ZKSCAN3: variants seen among roughly 807,000 people sequenced by gnomAD.
ZKSCAN3 encodes the protein zinc finger with KRAB and SCAN domains 3.
In ZKSCAN3, 21 loss-of-function variants were observed where a neutral mutation model predicts 30.7. The ratio of observed to expected loss-of-function variants is 0.68; its 90% confidence interval spans 0.49 to 0.99. The LOEUF is 0.99. ZKSCAN3 is among the 50% of genes least tolerant of loss of function. The pLI is 0.00. For missense variants in ZKSCAN3, 507 were observed against 647.1 expected (o/e 0.78, Z 2.35); for synonymous variants, 201 against 246.7 (o/e 0.81, Z 1.73).
chr6:28,352,900 G>A (rs56131013), intron 1 of ZKSCAN3, among the ~76,000 whole-genome samples: 39,366 of 151,698 alleles, frequency 0.26, 5,822 homozygotes, highest in African/African-American at 0.4. Context: ...AGGAAGACAC[G>A]GACTTGGAAT....
At chr6:28,357,262 G>A (rs1246870080) in intron 1 of ZKSCAN3, among the ~76,000 whole-genome samples, 1 of 152,174 alleles carries the variant, frequency 6.6e-6, no homozygotes, top group Non-Finnish European at 1.5e-5. Flanking sequence ...CACACACCAG[G>A]CACTGTTCTA....
At chr6:28,364,008 C>G (rs1184270996) in intron 5 of ZKSCAN3, among the ~76,000 whole-genome samples, 193 bp downstream of exon 5, 1 of 152,090 alleles carries the variant, frequency 6.6e-6, no homozygotes, top group Non-Finnish European at 1.5e-5. Context: ...CTTGCTCAGT[C>G]ACTCAGGATA....
chr6:28,350,626 A>C (rs2113878679), intron 1 of ZKSCAN3, among the ~76,000 whole-genome samples: 1 of 152,342 alleles, frequency 6.6e-6, no homozygotes, highest in East Asian at 1.9e-4. Flanking sequence ...CAGAGTAAGC[A>C]TGATTTAAAG....
rs73742545 is a variant in ZKSCAN3 at position 28,351,246 on chromosome 6, T to G, written c.-63+1179T>G. ...GGCTCAGATCCAAGTAGGGGCCAGGTAGTGAAACCTAAATGGAGTTTGTGG... is the reference window on the plus strand; with the variant it reads ...GGCTCAGATCCAAGTAGGGGCCAGGGAGTGAAACCTAAATGGAGTTTGTGG... On this transcript the variant is annotated intron_variant, in intron 1 of 5. Coordinates refer to ENST00000252211, the MANE Select transcript of ZKSCAN3 (RefSeq NM_024493.4). This position sits in a 1 kb window ranked among gnomAD's most constrained non-coding sequence, Gnocchi z 4.6. Among the ~76,000 whole-genome samples the G allele has an allele frequency of 0.098, 14,858 of 152,204 alleles. 1,070 individuals carry two copies. Among genetic ancestry groups the G allele is most frequent in the East Asian group, 0.31 (1,604 of 5,170 alleles).
At chr6:28,352,388 G>T (rs190399575) in intron 1 of ZKSCAN3, among the ~76,000 whole-genome samples, 3 of 152,116 alleles carry the variant, frequency 2.0e-5, no homozygotes, top group Non-Finnish European at 2.9e-5. Context: ...AAGTAGCTGG[G>T]ATTACAGGTG....
At chr6:28,363,635 T>TC in intron 4 of ZKSCAN3, 57 bp from the exon 5 acceptor site, 1 of 1,608,260 alleles carries the variant, frequency 6.2e-7, no homozygotes, top group Non-Finnish European at 8.5e-7. Flanking sequence ...TCCCAGATCT[T>TC]CCCCACTCCA....
Position 28,367,885 on chromosome 6 carries a change from A to AT in ZKSCAN3, c.*1612dup, listed in dbSNP as rs11457679. The AT allele has an allele frequency of 0.8, 117,963 of 147,164 alleles. 47,527 individuals carry two copies. Among genetic ancestry groups the AT allele is most frequent in the Non-Finnish European group, 0.86 (57,457 of 66,662 alleles). The allele number at this position is 147,164 out of a possible 1,614,324, so 9.1% of individuals were successfully genotyped here. ...TAGGCGTCCGCCTCCACGCCGGGCT[A>AT]TTTTTTTTTTTTATTTTATACTTTA... On this transcript the variant is annotated 3_prime_UTR_variant, in exon 6 of 6. Coordinates refer to ENST00000252211, the MANE Select transcript of ZKSCAN3 (RefSeq NM_024493.4).
chr6:28,361,128 A>G (rs1765749630), intron 2 of ZKSCAN3, among the ~76,000 whole-genome samples, 196 bp from the exon 3 acceptor site: 1 of 152,172 alleles, frequency 6.6e-6, no homozygotes, highest in South Asian at 2.1e-4. Context: ...GCCACTGATT[A>G]GCTATTTAAA....
At chr6:28,360,078 G>T in intron 2 of ZKSCAN3, 90 bp downstream of exon 2, 2 of 1,603,772 alleles carry the variant, frequency 1.2e-6, no homozygotes, top group East Asian at 2.3e-5. Context: ...TTAACATCCA[G>T]GAGTTCTTCA....
chr6:28,356,408 G>C (rs1440439386), intron 1 of ZKSCAN3: 1 of 152,270 alleles, frequency 6.6e-6, no homozygotes, highest in Non-Finnish European at 1.5e-5. Flanking sequence ...GCAGGAAATG[G>C]ATCAGCTCCT....
rs1766048236 is a variant in ZKSCAN3, at chr6:28,368,262, G to C, written c.*1977G>C. Reference sequence around the variant, plus strand: ...GCCTCCCAAAATGCTGGGATTACAGGCGTGAGCCACCGCGCCCGGCCCAAG... The same window carrying C: ...GCCTCCCAAAATGCTGGGATTACAGCCGTGAGCCACCGCGCCCGGCCCAAG... On this transcript the variant is annotated 3_prime_UTR_variant, in exon 6 of 6. Coordinates refer to ENST00000252211, the MANE Select transcript of ZKSCAN3 (RefSeq NM_024493.4). The C allele has an allele frequency of 6.6e-6, 1 of 152,196 alleles. No individual in the cohort carries two copies. Among genetic ancestry groups the C allele is most frequent in the Non-Finnish European group, 1.5e-5 (1 of 68,060 alleles). 9.4% of individuals were successfully genotyped at this position (152,196 alleles called of 1,614,324 possible). A position where few individuals can be genotyped will look rare whatever the true frequency, so the allele number is the denominator to read the frequency against.
intron 1 of ZKSCAN3, among the ~76,000 whole-genome samples, chr6:28,355,007 T>C (rs1765330481): frequency 6.6e-6 from 1 of 152,202 alleles, no homozygotes; most frequent in Admixed American, 6.5e-5. Flanking sequence ...CCATAGGGTG[T>C]TGGTACTAGG....
intron 4 of ZKSCAN3, 119 bp downstream of exon 4, chr6:28,363,504 T>G: frequency 2.3e-6 from 3 of 1,277,834 alleles, no homozygotes; most frequent in Middle Eastern, 1.9e-4. Context: ...AGATCTCAAA[T>G]GGGATCTGCA....
rs572767653 is a variant in ZKSCAN3 at position 28,357,832 on chromosome 6, G to A, written c.-62-1693G>A. ...TTGATGTTTCTGAGAGAAACTGAAG[G>A]GCCTTCAGCCCAAAGATCCGAAGAG... On this transcript the variant is annotated intron_variant, in intron 1 of 5. Coordinates refer to ENST00000252211, the MANE Select transcript of ZKSCAN3 (RefSeq NM_024493.4). 2.6e-5 allele frequency among the ~76,000 whole-genome samples: 4 copies of A among 152,254 alleles called. No homozygotes were observed. The South Asian group carries it at 8.3e-4, about 32-fold the overall frequency.
rs776740789 is a variant in ZKSCAN3, at chr6:28,361,371, A to G, written c.450A>G (p.Ala150=). The change falls in exon 3 of 6, where the codon GCA becomes GCG. Residue 150 remains alanine (A), a synonymous_variant. Coordinates refer to ENST00000252211, the MANE Select transcript of ZKSCAN3 (RefSeq NM_024493.4). ...AAGAACTGCTCTGTTGCAAGATGGC[A>G]CTATTGACACCAGCCCCAGGGTCAC... ...QGQELLCCKM[A]LLTPAPGSQS... is the part of the protein sequence containing the mutation. 4 of 1,613,996 alleles carry G rather than the reference A, an allele frequency of 2.5e-6. No homozygotes were observed. The highest frequency in any genetic ancestry group is 2.2e-5 in the South Asian group (2 of 91,052).
In ZKSCAN3 at chr6:28,361,310, C is replaced by A. The variant is rs1408755986; in HGVS notation, c.403-14C>A. 5.6e-6 allele frequency: 9 copies of A among 1,609,552 alleles called. No individual in the cohort carries two copies. The East Asian group carries it at 6.7e-5, about 12-fold the overall frequency. Reference sequence around the variant, plus strand: ...TTTGATGAAAACATGAAAATAAGAACAAATGATTTCTAGGTTTCAGGTGTT... The same window carrying A: ...TTTGATGAAAACATGAAAATAAGAAAAAATGATTTCTAGGTTTCAGGTGTT... On this transcript the variant is annotated splice_polypyrimidine_tract_variant and intron_variant, in intron 2 of 5. Transcript: ENST00000252211.
At chr6:28,352,585 T>A (rs1765111029) in intron 1 of ZKSCAN3, among the ~76,000 whole-genome samples, 1 of 152,192 alleles carries the variant, frequency 6.6e-6, no homozygotes, top group Non-Finnish European at 1.5e-5. Context: ...ATTAGGATGT[T>A]TTAAAAGCTC....
Position 28,365,424 on chromosome 6 carries a change from A to C in ZKSCAN3, c.758-2A>C, listed in dbSNP as rs138161815. 3.7e-6 allele frequency: 6 copies of C among 1,600,052 alleles called. No homozygotes were observed. Among genetic ancestry groups the C allele is most frequent in the Non-Finnish European group, 5.1e-6 (6 of 1,173,926 alleles). On this transcript the variant is annotated splice_acceptor_variant, in intron 5 of 5. Coordinates refer to ENST00000252211, the MANE Select transcript of ZKSCAN3 (RefSeq NM_024493.4). LOFTEE classifies it high-confidence loss of function. ...ACAGTTGCCAGTTATTTGTTGTTTC[A>C]GGTGATGAAAAACAGACTAAGAGCA...
At chr6:28,363,896 G>C in intron 5 of ZKSCAN3, 81 bp downstream of exon 5, 1 of 1,539,032 alleles carries the variant, frequency 6.5e-7, no homozygotes, top group Non-Finnish European at 8.8e-7. Context: ...ATTGGAAGCT[G>C]TTGAGCCCTG....
Sources: gnomAD v4.1 joint callset for allele counts (sites outside exome capture counted in the v4.1 genomes callset) on GRCh38, gnomAD v4.1.1 for gene constraint, Gnocchi (gnomAD v3.1) non-coding constraint, MANE v1.5 for transcripts, NCBI Gene and HGNC (gene_info 2026-07-23, HGNC 2026-07-21) for gene names.